The following RANBP2 variants were observed in gnomAD, a reference collection of about 807,000 sequenced individuals.
RANBP2 encodes the protein E3 SUMO-protein ligase RanBP2.
In RANBP2, 57 loss-of-function variants were observed where a neutral mutation model predicts 303.6. That is an observed-to-expected ratio of 0.19 (90% CI 0.15 to 0.23). The LOEUF (loss-of-function observed/expected upper bound fraction) is 0.23. RANBP2 is among the 10% of genes least tolerant of loss of function. The pLI, the probability that RANBP2 is intolerant of heterozygous loss-of-function variation, is 1.00. For synonymous variants in RANBP2, 1,167 were observed against 1,301.5 expected (o/e 0.90, Z 2.23); for missense variants, 3,138 against 3,780.8 (o/e 0.83, Z 4.46).
chr2:109,393,800 C>T, the RANBP2 span, among the ~76,000 whole-genome samples: 1 of 152,022 alleles, frequency 6.6e-6, no homozygotes, highest in Non-Finnish European at 1.5e-5. Flanking sequence ...TGAAGCTGGG[C>T]ACCTCCCACA....
the RANBP2 span, among the ~76,000 whole-genome samples, chr2:109,646,044 C>T: frequency 1.3e-5 from 2 of 152,198 alleles, no homozygotes; most frequent in East Asian, 1.9e-4. Flanking sequence ...TGAGCTCTAC[C>T]GGCTGGGGCC....
the RANBP2 span, among the ~76,000 whole-genome samples, chr2:109,184,629 C>A: frequency 6.6e-6 from 1 of 152,250 alleles, no homozygotes; most frequent in South Asian, 2.1e-4. Context: ...ATGGGCTTCC[C>A]AGAGAGTGAG....
the RANBP2 span, among the ~76,000 whole-genome samples, chr2:109,283,994 G>C: frequency 6.6e-6 from 1 of 152,268 alleles, no homozygotes; most frequent in South Asian, 2.1e-4. Context: ...GTTTTTCCAG[G>C]AGAGCTTGCC....
At chr2:108,738,083 CT>C (rs1046517409) in intron 6 of RANBP2, among the ~76,000 whole-genome samples, 47 of 137,784 alleles carry the variant, frequency 3.4e-4, no homozygotes, top group African/African-American at 9.9e-4. Context: ...TGGTCTCAAT[CT>C]TTTTTTTTTG....
chr2:109,501,688 C>T, the RANBP2 span: 1 of 744,946 alleles, frequency 1.3e-6, no homozygotes, highest in South Asian at 1.4e-5. Context: ...GTGCTCCCTG[C>T]ACCCAGCTCA....
chr2:109,249,471 T>C, the RANBP2 span, among the ~76,000 whole-genome samples: 2,323 of 23,142 alleles, frequency 0.1, 65 homozygotes, highest in African/African-American at 0.31. Flanking sequence ...CTCTTTCTCT[T>C]TCTTTCTTTC....
the RANBP2 span, among the ~76,000 whole-genome samples, chr2:109,557,242 C>T: frequency 6.6e-6 from 1 of 151,682 alleles, no homozygotes. Context: ...TAAAACAATG[C>T]TTCATTAATC....
At chr2:109,345,927 T>C in the RANBP2 span, among the ~76,000 whole-genome samples, 1 of 152,202 alleles carries the variant, frequency 6.6e-6, no homozygotes, top group Non-Finnish European at 1.5e-5. Context: ...CACCTTCCGG[T>C]TGTGATAGCC....
chr2:108,996,160 G>C, the RANBP2 span, among the ~76,000 whole-genome samples: 4 of 152,292 alleles, frequency 2.6e-5, no homozygotes, highest in South Asian at 6.2e-4. Context: ...TGGGAAGAGG[G>C]AGTGAAGAGT....
At chr2:109,201,626 G>A in the RANBP2 span, among the ~76,000 whole-genome samples, 1 of 152,178 alleles carries the variant, frequency 6.6e-6, no homozygotes, top group Non-Finnish European at 1.5e-5. Context: ...TCACAGCATG[G>A]CCTTCGTTTG....
chr2:109,087,288 G>C, the RANBP2 span, among the ~76,000 whole-genome samples: 2 of 152,178 alleles, frequency 1.3e-5, no homozygotes, highest in African/African-American at 2.4e-5. Context: ...TGGCAAGGGA[G>C]GTGGACTCTC....
chr2:109,389,545 A>G, the RANBP2 span, among the ~76,000 whole-genome samples: 2 of 152,188 alleles, frequency 1.3e-5, no homozygotes, highest in African/African-American at 2.4e-5. Flanking sequence ...GACCCAATCA[A>G]TGGATCGTTT....
chr2:109,568,010 AGGAT>A, the RANBP2 span: 1 of 1,511,744 alleles, frequency 6.6e-7, no homozygotes, highest in Admixed American at 2.1e-5. Flanking sequence ...AATCTTACTG[AGGAT>A]TTTTTTTTTT....
chr2:108,768,102 T>G lies in RANBP2; in HGVS notation c.7563T>G (p.Val2521=). 6.2e-7 allele frequency: 1 copy of G among 1,612,046 alleles called. No homozygotes were observed. The highest frequency in any genetic ancestry group is 8.5e-7 in the Non-Finnish European group (1 of 1,179,862). The change falls in exon 20 of 29, where the codon GTT becomes GTG. Residue 2521 remains valine, a synonymous_variant. Coordinates refer to ENST00000283195, the MANE Select transcript of RANBP2 (RefSeq NM_006267.5). ...AGTTTGTATTTGGTTCAGAGTCTGTTAAAAGCATTTTTAGTAGTGAAAAAT... is the reference window on the plus strand; with the variant it reads ...AGTTTGTATTTGGTTCAGAGTCTGTGAAAAGCATTTTTAGTAGTGAAAAAT... The part of the protein sequence containing the change: ...PPKFVFGSES[V]KSIFSSEKSK...
the RANBP2 span, among the ~76,000 whole-genome samples, chr2:108,974,501 G>A: frequency 0.18 from 27,042 of 151,808 alleles, 2,682 homozygotes; most frequent in Middle Eastern, 0.27. Flanking sequence ...GGAGGCCAAG[G>A]GGGGTGGATC....
the RANBP2 span, among the ~76,000 whole-genome samples, chr2:109,599,072 T>A: frequency 6.6e-6 from 1 of 152,050 alleles, no homozygotes; most frequent in Non-Finnish European, 1.5e-5. Flanking sequence ...TGATCTAAAA[T>A]TTTCTTAAAA....
At chr2:109,167,146 C>T in the RANBP2 span, among the ~76,000 whole-genome samples, 4 of 152,160 alleles carry the variant, frequency 2.6e-5, no homozygotes, top group Non-Finnish European at 5.9e-5. Flanking sequence ...TGATATGGTT[C>T]CTGGCATATG....
At chr2:109,061,313 G>GT in the RANBP2 span, among the ~76,000 whole-genome samples, 4 of 152,144 alleles carry the variant, frequency 2.6e-5, no homozygotes, top group African/African-American at 7.2e-5. Context: ...GAAATTTTAG[G>GT]TAAGTGTAAA....
the RANBP2 span, among the ~76,000 whole-genome samples, chr2:109,441,370 A>G: frequency 6.6e-6 from 1 of 152,196 alleles, no homozygotes; most frequent in Non-Finnish European, 1.5e-5. Context: ...CCCAAATCAC[A>G]CTTCTAGAAA....
Sources: allele counts gnomAD v4.1 joint callset (sites outside exome capture counted in the v4.1 genomes callset), GRCh38; gene constraint gnomAD v4.1.1; transcripts MANE v1.5; gene names NCBI Gene and HGNC (gene_info 2026-07-23, HGNC 2026-07-21).